Variants in ARHGAP26 observed in about 807,000 individuals in gnomAD.
The protein encoded by ARHGAP26 is Rho GTPase activating protein 26.
In ARHGAP26, 38 loss-of-function variants were observed where a neutral mutation model predicts 104.8. The ratio of observed to expected loss-of-function variants is 0.36; its 90% CI spans 0.28 to 0.48. The LOEUF (loss-of-function observed/expected upper bound fraction) is 0.48. Ranked by LOEUF, ARHGAP26 falls within the 20% of genes least tolerant of loss-of-function variation. The pLI is 0.99. For synonymous variants in ARHGAP26, 341 were observed against 340.0 expected, an observed-to-expected ratio of 1.00 and a Z score of -0.03; for missense variants, 704 against 947.9, an observed-to-expected ratio of 0.74 and a Z score of 3.38.
intron 17 of ARHGAP26, among the ~76,000 whole-genome samples, chr5:143,115,336 AAAC>A (rs368101575): frequency 0.01 from 1,182 of 117,104 alleles, 13 homozygotes; most frequent in African/African-American, 0.028. Flanking sequence ...TTAATCTCAA[AAAC>A]AACAACAACA....
chr5:142,814,257 G>A (rs113537864), intron 1 of ARHGAP26, among the ~76,000 whole-genome samples: 1,944 of 152,324 alleles, frequency 0.013, 48 homozygotes, highest in African/African-American at 0.045. Flanking sequence ...CATGGCTAGA[G>A]CCTTCCGGTA....
intron 22 of ARHGAP26, among the ~76,000 whole-genome samples, chr5:143,215,398 A>G (rs923401594): frequency 5.9e-5 from 9 of 152,228 alleles, no homozygotes; most frequent in African/African-American, 2.2e-4. Flanking sequence ...AAAGTTATGT[A>G]TATGCTTCTG....
intron 18 of ARHGAP26, among the ~76,000 whole-genome samples, chr5:143,127,184 T>G (rs1379916955): frequency 2.0e-5 from 3 of 152,224 alleles, no homozygotes; most frequent in Non-Finnish European, 1.5e-5. Context: ...CAACATGAAA[T>G]TTCAGGCTAC....
chr5:143,160,092 C>G (rs1801022630), intron 20 of ARHGAP26, among the ~76,000 whole-genome samples: 2 of 147,366 alleles, frequency 1.4e-5, no homozygotes, highest in Admixed American at 6.8e-5. Flanking sequence ...CGGAGTCTCG[C>G]TCTGTCACCC....
At chr5:143,033,781 T>C (rs1405185780) in intron 12 of ARHGAP26, among the ~76,000 whole-genome samples, 2 of 145,930 alleles carry the variant, frequency 1.4e-5, no homozygotes, top group African/African-American at 2.8e-5. Context: ...ATTTTTTCTC[T>C]CCCAGACTTC....
intron 18 of ARHGAP26, among the ~76,000 whole-genome samples, chr5:143,124,207 T>G (rs145070942): frequency 6.6e-6 from 1 of 152,318 alleles, no homozygotes; most frequent in African/African-American, 2.4e-5. Flanking sequence ...GGTATTTACT[T>G]TGTGCTTCGG....
chr5:143,198,471 G>A (rs1807202262), intron 20 of ARHGAP26, among the ~76,000 whole-genome samples: 1 of 152,162 alleles, frequency 6.6e-6, no homozygotes, highest in Non-Finnish European at 1.5e-5. Context: ...AGAATATTAA[G>A]GTCAATAAGT....
intron 20 of ARHGAP26, among the ~76,000 whole-genome samples, chr5:143,186,857 C>G (rs888924845): frequency 3.3e-5 from 5 of 152,164 alleles, no homozygotes; most frequent in African/African-American, 1.2e-4. Flanking sequence ...CTTTTTCTCT[C>G]TTTCCATTTG....
At chr5:142,919,801 A>AGCCTGGCCAACATGGCAAGACCC (rs1482386379) in intron 10 of ARHGAP26, among the ~76,000 whole-genome samples, 1 of 152,180 alleles carries the variant, frequency 6.6e-6, no homozygotes, top group African/African-American at 2.4e-5. Flanking sequence ...GTTCAAGACC[A>AGCCTGGCCAACATGGCAAGACCC]GCCTGGCCAA....
At chr5:143,147,604 T>C in intron 20 of ARHGAP26, 1 of 528,108 alleles carries the variant, frequency 1.9e-6, no homozygotes, top group Admixed American at 3.6e-5. Context: ...CCTTGGTGAT[T>C]TTTGATTTAC....
rs762516989 is a variant in ARHGAP26 at position 142,805,391 on chromosome 5, C to T, written c.154+34476C>T. 6.6e-4 allele frequency among the ~76,000 whole-genome samples: 100 copies of T among 152,298 alleles called. 1 individual carries two copies. The highest frequency in any genetic ancestry group is 9.4e-4 in the Non-Finnish European group (64 of 68,036). On this transcript the variant is annotated intron_variant, in intron 1 of 22. Coordinates refer to ENST00000645722, the MANE Select transcript of ARHGAP26 (RefSeq NM_001135608.3). ...TGCTGGGATTACAGGTGTGACCCACCACGCCTGGCCCACATTTAGTTTTTC... is the reference window on the plus strand; with the variant it reads ...TGCTGGGATTACAGGTGTGACCCACTACGCCTGGCCCACATTTAGTTTTTC...
In ARHGAP26 at chr5:143,147,651, T is replaced by C. The variant is rs1799326190; in HGVS notation, c.1988+270T>C. The C allele has an allele frequency of 7.7e-6, 3 of 388,214 alleles. No individual in the cohort carries two copies. In the Admixed American group the frequency reaches 1.3e-4, roughly 16 times the overall value. 24.0% of individuals were successfully genotyped at this position (388,214 alleles called of 1,614,324 possible). ...GATGGCTTTGGTGATAGCTATTGCCTGTGCTGGCTGCTAGGCATGAAAAGC... is the reference window on the plus strand; with the variant it reads ...GATGGCTTTGGTGATAGCTATTGCCCGTGCTGGCTGCTAGGCATGAAAAGC... On this transcript the variant is annotated intron_variant, in intron 20 of 22. Coordinates refer to ENST00000645722, the MANE Select transcript of ARHGAP26 (RefSeq NM_001135608.3).
chr5:143,132,208 C>T (rs1797437060), intron 18 of ARHGAP26, among the ~76,000 whole-genome samples: 3 of 151,998 alleles, frequency 2.0e-5, no homozygotes, highest in Admixed American at 1.3e-4. Flanking sequence ...CATTGGAGCC[C>T]GAGGACCCGC....
At chr5:143,212,389 C>G (rs1809608288) in intron 21 of ARHGAP26, among the ~76,000 whole-genome samples, 1 of 151,932 alleles carries the variant, frequency 6.6e-6, no homozygotes, top group Non-Finnish European at 1.5e-5. Context: ...TTATATTCCT[C>G]CCTGGAAAGT....
At chr5:142,943,599 A>G (rs1766692782) in intron 11 of ARHGAP26, among the ~76,000 whole-genome samples, 1 of 152,212 alleles carries the variant, frequency 6.6e-6, no homozygotes, top group Non-Finnish European at 1.5e-5. Flanking sequence ...GGTTTGCAAC[A>G]CATGAAATTT....
At chr5:143,048,030 G>A (rs1784461460) in intron 14 of ARHGAP26, among the ~76,000 whole-genome samples, 1 of 151,946 alleles carries the variant, frequency 6.6e-6, no homozygotes, top group Admixed American at 6.6e-5. Flanking sequence ...TATCTTTTTA[G>A]TAGAGTCAAG....
intron 10 of ARHGAP26, among the ~76,000 whole-genome samples, chr5:142,923,640 G>A (rs1371191654): frequency 3.3e-5 from 5 of 152,160 alleles, no homozygotes; most frequent in Non-Finnish European, 7.3e-5. Context: ...TAAGAGCCAT[G>A]CAATTTAATA....
intron 6 of ARHGAP26, among the ~76,000 whole-genome samples, chr5:142,895,257 T>G (rs6872015): frequency 0.015 from 2,263 of 152,198 alleles, 65 homozygotes; most frequent in African/African-American, 0.052. Flanking sequence ...TTGAGACAGC[T>G]TCTCGCTCTG....
chr5:142,958,107 G>T (rs547916116), intron 11 of ARHGAP26, among the ~76,000 whole-genome samples: 27 of 152,164 alleles, frequency 1.8e-4, no homozygotes, highest in Non-Finnish European at 3.1e-4. Flanking sequence ...GGTCATTTTT[G>T]TCAGGGAGCA....
Sources: gnomAD v4.1 joint callset for allele counts (sites outside exome capture counted in the v4.1 genomes callset) on GRCh38, gnomAD v4.1.1 for gene constraint, MANE v1.5 for transcripts, NCBI Gene and HGNC (gene_info 2026-07-23, HGNC 2026-07-21) for gene names.